Variants in SGCD observed in about 807,000 individuals in gnomAD.
SGCD encodes sarcoglycan delta.
A neutral mutation model predicts 36.6 loss-of-function variants in SGCD; 18 were observed. The observed-to-expected ratio is 0.49, with a 90% CI of 0.34 to 0.73. The LOEUF (loss-of-function observed/expected upper bound fraction) is 0.73, where lower values mean the gene tolerates loss of function less well. SGCD is among the 30% of genes least tolerant of loss of function. SGCD has a pLI of 0.01. For synonymous variants in SGCD, 133 were observed against 130.6 expected (o/e 1.02, Z -0.12); for missense variants, 387 against 346.7 (o/e 1.12, Z -0.92).
Position 156,164,068 on chromosome 5 carries a change from T to C in SGCD, c.-44+40049T>C, listed in dbSNP as rs191516895. 3.2e-4 allele frequency among the ~76,000 whole-genome samples: 49 copies of C among 151,188 alleles called. 2 individuals carry two copies. The highest frequency in any genetic ancestry group is 7.2e-4 in the Admixed American group (11 of 15,232). On this transcript the variant is annotated intron_variant, in intron 3 of 9. Transcript: ENST00000517913. Reference sequence around the variant, plus strand: ...AAATCATTTTCATTTTCTGCACGTCTGAACTTTGCCTGCCTTGGAGAATGG... The same window carrying C: ...AAATCATTTTCATTTTCTGCACGTCCGAACTTTGCCTGCCTTGGAGAATGG...
chr5:156,699,798 G>C (rs1260081357), intron 7 of SGCD, among the ~76,000 whole-genome samples: 1 of 152,188 alleles, frequency 6.6e-6, no homozygotes, highest in Admixed American at 6.5e-5. Flanking sequence ...GTAGCTCTGA[G>C]ATATAGAGGA....
Position 156,385,806 on chromosome 5 carries a change from C to T in SGCD, c.192+41129C>T, listed in dbSNP as rs150749159. ...ATTTAGATGCATTGTTAAATATTAC[C>T]GACATTCCCATTTTTTGAGCAGTGG... On this transcript the variant is annotated intron_variant, in intron 3 of 8. Transcript: ENST00000337851. Among the ~76,000 whole-genome samples the T allele has an allele frequency of 1.5e-4, 23 of 152,250 alleles. No individual in the cohort carries two copies. In the East Asian group the frequency reaches 3.5e-3, roughly 23 times the overall value.
At chr5:156,048,728 T>C (rs1466792711) in intron 1 of SGCD, among the ~76,000 whole-genome samples, 1 of 152,192 alleles carries the variant, frequency 6.6e-6, no homozygotes, top group Non-Finnish European at 1.5e-5. Flanking sequence ...GATATTAGCC[T>C]TTATCAGATG....
chr5:156,244,232 C>T (rs1430386796), intron 3 of SGCD, among the ~76,000 whole-genome samples: 1 of 152,146 alleles, frequency 6.6e-6, no homozygotes, highest in Admixed American at 6.5e-5. Context: ...AAAATACAGT[C>T]TTCAAAAGTG....
At chr5:156,571,257 G>T (rs1421968706) in intron 4 of SGCD, among the ~76,000 whole-genome samples, 6 of 152,148 alleles carry the variant, frequency 3.9e-5, no homozygotes, top group African/African-American at 1.4e-4. Flanking sequence ...TGTTGGCCAG[G>T]CTGGTCTTTA....
intron 3 of SGCD, among the ~76,000 whole-genome samples, chr5:156,129,474 C>A (rs1307909814): frequency 6.6e-6 from 1 of 152,144 alleles, no homozygotes; most frequent in African/African-American, 2.4e-5. Flanking sequence ...GTGCCTATGA[C>A]CCCATCTTTT....
chr5:156,650,677 T>G (rs774492279), intron 7 of SGCD, among the ~76,000 whole-genome samples: 21 of 152,232 alleles, frequency 1.4e-4, no homozygotes, highest in Non-Finnish European at 3.1e-4. Flanking sequence ...TGTTAGTTTT[T>G]TATGGCTTTG....
chr5:155,783,893 T>C, the SGCD span, among the ~76,000 whole-genome samples: 5 of 152,090 alleles, frequency 3.3e-5, no homozygotes, highest in Admixed American at 6.5e-5. Flanking sequence ...ACAAGAAAGG[T>C]TGAACATGGA....
intron 1 of SGCD, among the ~76,000 whole-genome samples, chr5:156,028,843 C>T (rs931409285): frequency 1.3e-5 from 2 of 152,078 alleles, no homozygotes; most frequent in Non-Finnish European, 2.9e-5. Flanking sequence ...TCGTCTGAAC[C>T]TACTGTTGCT....
chr5:155,851,869 G>C, the SGCD span, among the ~76,000 whole-genome samples: 1 of 152,204 alleles, frequency 6.6e-6, no homozygotes, highest in African/African-American at 2.4e-5. Context: ...TCCTGGGTTT[G>C]AACCCAGTAC....
chr5:155,857,004 C>T, the SGCD span, among the ~76,000 whole-genome samples: 2 of 152,052 alleles, frequency 1.3e-5, no homozygotes, highest in Non-Finnish European at 1.5e-5. Flanking sequence ...GAGACAGAGG[C>T]GGGTGGATTA....
chr5:156,618,293 CTGCTGGGTATTCAACTGTTTAGAAAGAAT>C (rs1762096505), intron 6 of SGCD, among the ~76,000 whole-genome samples: 1 of 152,160 alleles, frequency 6.6e-6, no homozygotes, highest in African/African-American at 2.4e-5. Context: ...CAGAGATAAT[CTGCTGGGTATTCAACTGTTTAGAAAGAAT>C]TGCTGGTTGT....
intron 3 of SGCD, among the ~76,000 whole-genome samples, chr5:156,263,569 C>T (rs1236740688): frequency 6.6e-6 from 1 of 151,994 alleles, no homozygotes; most frequent in African/African-American, 2.4e-5. Context: ...CTGATTGTTT[C>T]TTTTGCTGTG....
At chr5:155,836,472 C>CA in the SGCD span, among the ~76,000 whole-genome samples, 1 of 111,062 alleles carries the variant, frequency 9.0e-6, no homozygotes, top group African/African-American at 4.2e-5. Flanking sequence ...TGATACCCAC[C>CA]CCCGCCCCGC....
intron 1 of SGCD, among the ~76,000 whole-genome samples, chr5:156,068,687 G>A (rs1297482788): frequency 1.3e-5 from 2 of 151,804 alleles, no homozygotes; most frequent in African/African-American, 2.4e-5. Context: ...AGATCCCTCA[G>A]GAATCGCCAC....
At chr5:156,082,745 A>AT (rs1760989532) in intron 1 of SGCD, among the ~76,000 whole-genome samples, 1 of 152,256 alleles carries the variant, frequency 6.6e-6, no homozygotes, top group Admixed American at 6.5e-5. Context: ...TCTGAAATAC[A>AT]TCAGGATCGC....
rs60939391 is a variant in SGCD at position 156,723,850 on chromosome 5, A to AGTGTGTGT, written c.576-33710_576-33703dup. On this transcript the variant is annotated intron_variant, in intron 7 of 8. Coordinates refer to ENST00000337851, the MANE Select transcript of SGCD (RefSeq NM_000337.6). The stretch of plus-strand genomic sequence containing the variant: ...GAGTCCACTGAAGTGTTTTAAGCCA[A>AGTGTGTGT]GTGTGTGTGTGTGTGTGTGTGTGTG... Among the ~76,000 whole-genome samples, 610 of 150,092 alleles carry AGTGTGTGT rather than the reference A, an allele frequency of 4.1e-3. 4 individuals are homozygous for AGTGTGTGT. The highest frequency in any genetic ancestry group is 0.013 in the African/African-American group (537 of 40,982).
At chr5:156,301,157 C>T (rs777589605) in intron 3 of SGCD, among the ~76,000 whole-genome samples, 4 of 151,798 alleles carry the variant, frequency 2.6e-5, no homozygotes, top group Non-Finnish European at 5.9e-5. Context: ...CTATTATTGT[C>T]GTCTCTTACT....
chr5:156,278,077 A>G (rs76444735), intron 3 of SGCD, among the ~76,000 whole-genome samples: 2,129 of 152,292 alleles, frequency 0.014, 23 homozygotes, highest in Non-Finnish European at 0.024. Flanking sequence ...TTGAGCTGGA[A>G]CTTAAAGATG....
Sources: allele counts gnomAD v4.1 joint callset (sites outside exome capture counted in the v4.1 genomes callset), GRCh38; gene constraint gnomAD v4.1.1; transcripts MANE v1.5; gene names NCBI Gene and HGNC (gene_info 2026-07-23, HGNC 2026-07-21).